Variants in ADGRL3 observed in about 807,000 individuals in gnomAD.
ADGRL3 encodes calcium-independent alpha-latrotoxin receptor 3.
ADGRL3 carries 62 observed loss-of-function variants against 153.5 expected under a neutral mutation model. The observed-to-expected ratio is 0.40, with a 90% CI of 0.33 to 0.50. ADGRL3 has a LOEUF of 0.50. Among genes scored for constraint, ADGRL3 ranks in the 20% least tolerant of loss-of-function variants. The pLI, the probability that ADGRL3 is intolerant of heterozygous loss-of-function variation, is 0.47. For synonymous variants in ADGRL3, 710 were observed against 672.5 expected (o/e 1.06, Z -0.86); for missense variants, 1,641 against 1,859.4 (o/e 0.88, Z 2.16).
chr4:61,958,844 G>A lies in ADGRL3; in HGVS notation c.2805+10568G>A, dbSNP rs976254768. On this transcript the variant is annotated intron_variant, in intron 17 of 26. Transcript: ENST00000683033. ...GGGTTATCTCTGAATTCCCAATTAT[G>A]CTAACATCCAAAGGTGAGAAGAGCC... Among the ~76,000 whole-genome samples the A allele has an allele frequency of 2.6e-5, 4 of 152,148 alleles. No individual in the cohort carries two copies. The South Asian group carries it at 8.3e-4, about 32-fold the overall frequency.
chr4:61,966,549 C>T (rs184039538), intron 17 of ADGRL3, among the ~76,000 whole-genome samples: 2 of 151,200 alleles, frequency 1.3e-5, no homozygotes, highest in African/African-American at 4.9e-5. Context: ...TCACCCAACA[C>T]CTTTAAGAAG....
chr4:61,260,610 A>T lies in ADGRL3; in HGVS notation c.-240+58845A>T, dbSNP rs7679052. ...AGATAATAAATGAAAAGTGCCTAGC[A>T]GAATGCATGGCATAGAATATGCATC... On this transcript the variant is annotated intron_variant, in intron 1 of 26. Coordinates refer to ENST00000683033, the MANE Select transcript of ADGRL3 (RefSeq NM_001387552.1). Among the ~76,000 whole-genome samples, 699 of 152,374 alleles carry T rather than the reference A, an allele frequency of 4.6e-3. 8 individuals are homozygous for T. Among genetic ancestry groups the T allele is most frequent in the African/African-American group, 0.016 (657 of 41,592 alleles).
intron 21 of ADGRL3, among the ~76,000 whole-genome samples, chr4:62,022,596 CTT>C (rs992641941): frequency 6.6e-6 from 1 of 152,094 alleles, no homozygotes; most frequent in African/African-American, 2.4e-5. Context: ...GACTGACTCT[CTT>C]GTTAGGAGAT....
intron 4 of ADGRL3, among the ~76,000 whole-genome samples, chr4:61,545,804 C>A (rs1033510974): frequency 1.3e-5 from 2 of 152,120 alleles, no homozygotes; most frequent in African/African-American, 4.8e-5. Flanking sequence ...CGTAAGCTAC[C>A]GCGCGGGGCC....
chr4:61,772,701 C>T (rs546967724), intron 8 of ADGRL3, among the ~76,000 whole-genome samples: 1 of 152,206 alleles, frequency 6.6e-6, no homozygotes, highest in South Asian at 2.1e-4. Flanking sequence ...GATAAAGATG[C>T]CCCTTTCCAC....
chr4:62,033,456 C>T (rs369359444), intron 23 of ADGRL3, among the ~76,000 whole-genome samples: 7 of 151,354 alleles, frequency 4.6e-5, no homozygotes, highest in South Asian at 2.1e-4. Context: ...TAAGGAAGAA[C>T]GAGAATCAAG....
At chr4:61,259,335 A>G (rs2092307886) in intron 1 of ADGRL3, among the ~76,000 whole-genome samples, 1 of 152,122 alleles carries the variant, frequency 6.6e-6, no homozygotes, top group African/African-American at 2.4e-5. Context: ...AGGCAGGAGA[A>G]TGGCGTGAAC....
chr4:61,437,818 C>T (rs2097469966), intron 2 of ADGRL3, among the ~76,000 whole-genome samples: 2 of 152,054 alleles, frequency 1.3e-5, no homozygotes, highest in Admixed American at 6.6e-5. Context: ...GTTGTTTTCC[C>T]TGCCTTGGAA....
At chr4:61,951,455 G>A (rs148845522) in intron 17 of ADGRL3, among the ~76,000 whole-genome samples, 5 of 152,090 alleles carry the variant, frequency 3.3e-5, no homozygotes, top group African/African-American at 1.2e-4. Context: ...TGATTCCATG[G>A]GCAACTAAGA....
intron 6 of ADGRL3, among the ~76,000 whole-genome samples, chr4:61,692,204 T>A (rs1276454877): frequency 1.3e-5 from 2 of 152,140 alleles, no homozygotes; most frequent in Non-Finnish European, 2.9e-5. Context: ...ATTCTCACAG[T>A]AATCTGTTTA....
chr4:61,662,896 C>A (rs1206822923), intron 5 of ADGRL3, among the ~76,000 whole-genome samples: 1 of 152,106 alleles, frequency 6.6e-6, no homozygotes, highest in Non-Finnish European at 1.5e-5. Flanking sequence ...GCTGAACACT[C>A]ATCAGGACAC....
intron 9 of ADGRL3, among the ~76,000 whole-genome samples, chr4:61,858,764 G>A (rs1012638492): frequency 6.6e-6 from 1 of 152,180 alleles, no homozygotes; most frequent in African/African-American, 2.4e-5. Flanking sequence ...CTTGTGGGCT[G>A]AACAAAAACA....
intron 5 of ADGRL3, among the ~76,000 whole-genome samples, chr4:61,666,690 A>G (rs1323553517): frequency 6.6e-6 from 1 of 152,206 alleles, no homozygotes; most frequent in Non-Finnish European, 1.5e-5. Context: ...TATGCAATAT[A>G]TAAGGTGCGT....
chr4:61,221,558 T>C (rs190114002), intron 1 of ADGRL3, among the ~76,000 whole-genome samples: 60 of 152,314 alleles, frequency 3.9e-4, no homozygotes, highest in Admixed American at 2.0e-3. Flanking sequence ...GTTCTTGTTC[T>C]GGGTAACCAA....
At chr4:61,779,598 C>T (rs1396159295) in intron 8 of ADGRL3, among the ~76,000 whole-genome samples, 1 of 138,782 alleles carries the variant, frequency 7.2e-6, no homozygotes, top group Non-Finnish European at 1.5e-5. Context: ...CAGCACTGAG[C>T]CACCCAGCCT....
chr4:61,239,087 A>G (rs941466578), intron 1 of ADGRL3, among the ~76,000 whole-genome samples: 1 of 152,088 alleles, frequency 6.6e-6, no homozygotes, highest in South Asian at 2.1e-4. Context: ...ATCCTTATAG[A>G]TAGATTGGTT....
intron 2 of ADGRL3, among the ~76,000 whole-genome samples, chr4:61,446,711 G>C (rs1173661596): frequency 6.6e-6 from 1 of 152,170 alleles, no homozygotes; most frequent in East Asian, 1.9e-4. Context: ...TCAGTAGTAT[G>C]AGGACATAAA....
At chr4:61,432,630 CTTTCTTTCTTTCTTTCTTTCTTTCTTT>C (rs2097378886) in intron 2 of ADGRL3, among the ~76,000 whole-genome samples, 3 of 50,510 alleles carry the variant, frequency 5.9e-5, no homozygotes, top group Non-Finnish European at 8.3e-5. Flanking sequence ...TTCTTTCTTT[CTTTCTTTCTTTCTTTCTTTCTTTCTTT>C]TTTTTTTTTT....
intron 2 of ADGRL3, among the ~76,000 whole-genome samples, chr4:61,384,321 G>A (rs2096709916): frequency 6.6e-6 from 1 of 151,708 alleles, no homozygotes; most frequent in Admixed American, 6.6e-5. Context: ...TTTCTTGTCA[G>A]TGTTTTCTTC....
Sources: gnomAD v4.1 joint callset for allele counts (sites outside exome capture counted in the v4.1 genomes callset) on GRCh38, gnomAD v4.1.1 for gene constraint, MANE v1.5 for transcripts, NCBI Gene and HGNC (gene_info 2026-07-23, HGNC 2026-07-21) for gene names.